PCSK6: variants seen among roughly 807,000 people sequenced by gnomAD.
The protein encoded by PCSK6 is proprotein convertase subtilisin/kexin type 6.
PCSK6 carries 85 observed loss-of-function variants against 123.3 expected under a neutral mutation model. The ratio of observed to expected loss-of-function variants is 0.69; its 90% confidence interval spans 0.58 to 0.83. The LOEUF (loss-of-function observed/expected upper bound fraction) is 0.83, where lower values mean the gene tolerates loss of function less well. Ranked by LOEUF, PCSK6 falls within the 40% of genes least tolerant of loss-of-function variation. The probability of loss-of-function intolerance (pLI) is 0.00; values close to 1 mark genes in which losing one functional copy is unlikely to be tolerated. For synonymous variants in PCSK6, 508 were observed against 516.0 expected (o/e 0.98, Z 0.21); for missense variants, 1,191 against 1,282.3 (o/e 0.93, Z 1.09).
chr15:101,364,911 C>G, intron 13 of PCSK6: 1 of 666,262 alleles, frequency 1.5e-6, no homozygotes. Context: ...AAACTTACTA[C>G]AAAGCTACAG....
intron 15 of PCSK6, among the ~76,000 whole-genome samples, chr15:101,329,480 G>C (rs889863107): frequency 1.3e-5 from 2 of 152,220 alleles, no homozygotes; most frequent in African/African-American, 2.4e-5. Context: ...CTGAGAACAA[G>C]TCTGGTTTCC....
chr15:101,450,112 G>T (rs1292795086), intron 1 of PCSK6, among the ~76,000 whole-genome samples: 2 of 152,088 alleles, frequency 1.3e-5, no homozygotes, highest in Non-Finnish European at 2.9e-5. Flanking sequence ...CCCAAAGGGG[G>T]CTCTTAATGG....
rs762631161 is a variant in PCSK6 at position 101,384,372 on chromosome 15, G to A, written c.1364C>T (p.Pro455Leu). ...CCAGTCGCTCGCTTTCAGGTGGGCC[G>A]GCCGGGATGTCTTCACTAGCAGGTG... Reference protein sequence around the residue: ...VQHLLVKTSRPAHLKASDWKV... With the variant: ...VQHLLVKTSRLAHLKASDWKV... Residue 455 changes from proline (P) to leucine (L), a missense_variant, in exon 10 of 22, where the codon CCG (proline) becomes CTG (leucine). Around this residue, in one of 3 missense-constraint regions of PCSK6, gnomAD observed 357 missense variants for 484.5 expected, o/e 0.74. Coordinates refer to ENST00000611716, the MANE Select transcript of PCSK6 (RefSeq NM_002570.5). 29 of 1,613,714 alleles carry A rather than the reference G, an allele frequency of 1.8e-5. No homozygotes were observed. The highest frequency in any genetic ancestry group is 5.0e-5 in the Admixed American group (3 of 59,972).
chr15:101,340,150 C>A (rs1322635491), intron 13 of PCSK6, among the ~76,000 whole-genome samples: 1 of 152,118 alleles, frequency 6.6e-6, no homozygotes, highest in Non-Finnish European at 1.5e-5. Flanking sequence ...CATGTACACA[C>A]ACGTCCATGG....
chr15:101,450,856 C>T (rs2057016349), intron 1 of PCSK6, among the ~76,000 whole-genome samples: 1 of 152,138 alleles, frequency 6.6e-6, no homozygotes, highest in African/African-American at 2.4e-5. Flanking sequence ...CTGGGCAAGA[C>T]CCCCACTGGC....
intron 1 of PCSK6, among the ~76,000 whole-genome samples, chr15:101,475,416 G>A (rs1394340415): frequency 2.0e-5 from 3 of 152,150 alleles, no homozygotes; most frequent in South Asian, 2.1e-4. Flanking sequence ...CTGAAAAAAT[G>A]GGCAAAGAAT....
intron 10 of PCSK6, chr15:101,384,091 A>T (rs1230610187): frequency 1.0e-6 from 1 of 983,844 alleles, no homozygotes; most frequent in East Asian, 1.1e-4. Flanking sequence ...GGCCAAAGTT[A>T]TAGAGTATAG....
rs779882178 is a variant in PCSK6 at position 101,323,602 on chromosome 15, G to A, written c.2378-995C>T. Among the ~76,000 whole-genome samples, 6 of 152,208 alleles carry A rather than the reference G, an allele frequency of 3.9e-5. No homozygotes were observed. The South Asian group carries it at 8.3e-4, about 21-fold the overall frequency. Reference sequence around the variant, plus strand: ...AAAAAAATTAGCCGGGCGTGATGGCGCATGCCTGTAAGCCCAGCTACTCGG... The same window carrying A: ...AAAAAAATTAGCCGGGCGTGATGGCACATGCCTGTAAGCCCAGCTACTCGG... On this transcript the variant is annotated intron_variant, in intron 17 of 21. Coordinates refer to ENST00000611716, the MANE Select transcript of PCSK6 (RefSeq NM_002570.5).
intron 8 of PCSK6, among the ~76,000 whole-genome samples, chr15:101,392,407 A>T (rs1007442920): frequency 1.3e-5 from 2 of 152,242 alleles, no homozygotes; most frequent in Non-Finnish European, 2.9e-5. Context: ...AAGTGTAAAA[A>T]TAAATTTGCA....
chr15:101,358,925 T>C (rs1378723084), intron 13 of PCSK6, among the ~76,000 whole-genome samples: 2 of 152,128 alleles, frequency 1.3e-5, no homozygotes, highest in Non-Finnish European at 2.9e-5. Context: ...CAGTGTCCCA[T>C]GTGAGGGCCA....
At chr15:101,376,412 G>C (rs935533074) in intron 11 of PCSK6, among the ~76,000 whole-genome samples, 30 of 152,216 alleles carry the variant, frequency 2.0e-4, no homozygotes, top group African/African-American at 5.8e-4. Flanking sequence ...GAGCACTAGT[G>C]CTGTCCGCTG....
intron 13 of PCSK6, 151 bp downstream of exon 13, chr15:101,366,045 A>G: frequency 1.3e-6 from 1 of 799,954 alleles, no homozygotes; most frequent in Non-Finnish European, 1.9e-6. Flanking sequence ...CCACTTAAAA[A>G]TAATTAAAAT....
At chr15:101,326,588 C>T (rs1343932938) in intron 15 of PCSK6, 109 bp from the exon 16 acceptor site, 39 of 1,067,726 alleles carry the variant, frequency 3.7e-5, no homozygotes, top group Non-Finnish European at 5.3e-5. Context: ...TTGGGAGACG[C>T]TCCCAGGCCC....
intron 13 of PCSK6, among the ~76,000 whole-genome samples, chr15:101,354,151 C>T (rs966982191): frequency 6.6e-6 from 1 of 152,032 alleles, no homozygotes; most frequent in African/African-American, 2.4e-5. Context: ...GAAGCATAAG[C>T]CAATATGCAC....
chr15:101,391,155 G>A (rs539060534), intron 8 of PCSK6, among the ~76,000 whole-genome samples: 21 of 152,156 alleles, frequency 1.4e-4, no homozygotes, highest in Non-Finnish European at 2.1e-4. Flanking sequence ...CTCAACATGG[G>A]GAGGGCAGCT....
intron 11 of PCSK6, 133 bp downstream of exon 11, chr15:101,381,959 G>T: frequency 1.6e-6 from 1 of 625,854 alleles, no homozygotes; most frequent in Non-Finnish European, 2.8e-6. Context: ...GCAGACGTGT[G>T]CAGGCATGCA....
At chr15:101,358,470 A>C (rs2041111243) in intron 13 of PCSK6, among the ~76,000 whole-genome samples, 1 of 152,132 alleles carries the variant, frequency 6.6e-6, no homozygotes, top group African/African-American at 2.4e-5. Context: ...TGTGCATGGT[A>C]CTATTGGTTC....
rs2040156152 is a variant in PCSK6, at chr15:101,322,707, T to TG, written c.2378-101dup. On this transcript the variant is annotated intron_variant, in intron 17 of 21. Coordinates refer to ENST00000611716, the MANE Select transcript of PCSK6 (RefSeq NM_002570.5). ...CGGCATTTCAAAGCGGGGGTGCGGG[T>TG]GGGCTGTTCCCCGAGTCCACCTCCG... The TG allele has an allele frequency of 8.0e-6, 6 of 750,062 alleles. 1 individual carries two copies. The South Asian group carries it at 9.3e-5, about 12-fold the overall frequency. The allele number at this position is 750,062 out of a possible 1,614,324, so 46.5% of individuals were successfully genotyped here.
chr15:101,394,137 G>GTTTTTTTTTT (rs1444048837), intron 7 of PCSK6, among the ~76,000 whole-genome samples: 4 of 89,570 alleles, frequency 4.5e-5, no homozygotes, highest in African/African-American at 9.1e-5. Context: ...CCGTTTTTTT[G>GTTTTTTTTTT]TTTTTTGTTT....
Sources: allele counts gnomAD v4.1 joint callset (sites outside exome capture counted in the v4.1 genomes callset), GRCh38; gene constraint gnomAD v4.1.1; regional missense constraint gnomAD v4.1.1; transcripts MANE v1.5; gene names NCBI Gene and HGNC (gene_info 2026-07-23, HGNC 2026-07-21).